The following PCDH9 variants were observed in gnomAD, a reference collection of about 807,000 sequenced individuals.
PCDH9 encodes the protein protocadherin 9, also known as protocadherin-9.
PCDH9 carries 24 observed loss-of-function variants against 70.6 expected under a neutral mutation model. That is an observed-to-expected ratio of 0.34 (90% confidence interval 0.25 to 0.48). PCDH9 has a LOEUF of 0.48. PCDH9 is among the 20% of genes least tolerant of loss of function. PCDH9 has a pLI of 0.99. For synonymous variants in PCDH9, 562 were observed against 558.5 expected (o/e 1.01, Z -0.09); for missense variants, 1,281 against 1,503.6 (o/e 0.85, Z 2.45).
intron 4 of PCDH9, among the ~76,000 whole-genome samples, chr13:66,485,096 G>T (rs1335100743): frequency 2.0e-5 from 3 of 152,184 alleles, no homozygotes; most frequent in Non-Finnish European, 4.4e-5. Flanking sequence ...AAAGGCAGAT[G>T]ATAAATTCTA....
At chr13:66,398,102 TATATA>T (rs1217694344) in intron 4 of PCDH9, among the ~76,000 whole-genome samples, 1 of 152,068 alleles carries the variant, frequency 6.6e-6, no homozygotes, top group Non-Finnish European at 1.5e-5. Context: ...TGTCCAATAT[TATATA>T]ATATATGACA....
At chr13:66,416,853 G>A (rs981279829) in intron 4 of PCDH9, among the ~76,000 whole-genome samples, 1 of 152,116 alleles carries the variant, frequency 6.6e-6, no homozygotes, top group African/African-American at 2.4e-5. Context: ...AAGTTATTAG[G>A]AGACACATCC....
intron 2 of PCDH9, among the ~76,000 whole-genome samples, chr13:67,185,711 T>A (rs2088736307): frequency 6.6e-6 from 1 of 152,208 alleles, no homozygotes; most frequent in African/African-American, 2.4e-5. Context: ...TAAAAATAGT[T>A]AAACGTATGG....
chr13:66,697,218 G>A (rs559862724), intron 3 of PCDH9, among the ~76,000 whole-genome samples: 14 of 151,998 alleles, frequency 9.2e-5, no homozygotes, highest in Non-Finnish European at 1.8e-4. Context: ...AATAATATTA[G>A]GACATTAATA....
At chr13:66,801,053 A>C in intron 3 of PCDH9, among the ~76,000 whole-genome samples, 1 of 137,530 alleles carries the variant, frequency 7.3e-6, no homozygotes, top group Non-Finnish European at 1.5e-5. Flanking sequence ...TATTGTTCTT[A>C]ACTAAAAATG....
At chr13:66,751,213 A>AT (rs750103001) in intron 3 of PCDH9, among the ~76,000 whole-genome samples, 19 of 151,396 alleles carry the variant, frequency 1.3e-4, no homozygotes, top group Admixed American at 7.9e-4. Context: ...AATTGATCAA[A>AT]TTTTTTTTTT....
chr13:66,887,175 A>G lies in PCDH9; in HGVS notation c.3138+16329T>C, dbSNP rs562125202. Among the ~76,000 whole-genome samples the G allele has an allele frequency of 5.9e-5, 9 of 151,916 alleles. No homozygotes were observed. The South Asian group carries it at 8.3e-4, about 14-fold the overall frequency. ...TTGCAATTTTGGCACCGCATCACCA[A>G]GTTCACATCCTGGACCATGCCTTCT... On this transcript the variant is annotated intron_variant, in intron 3 of 4. Coordinates refer to ENST00000377865, the MANE Select transcript of PCDH9 (RefSeq NM_203487.3).
Position 66,901,655 on chromosome 13 carries a change from T to C in PCDH9, c.3138+1849A>G, listed in dbSNP as rs1050100479. Among the ~76,000 whole-genome samples the C allele has an allele frequency of 4.6e-5, 7 of 151,916 alleles. 1 individual carries two copies. The highest frequency in any genetic ancestry group is 4.1e-4 in the South Asian group (2 of 4,830). On this transcript the variant is annotated intron_variant, in intron 3 of 4. Transcript: ENST00000377865. ...ATAACTCTAGATGTCATTTTTTTTC[T>C]TCAAATTCCCTAGACCTTTAGTCAA... is the stretch of plus-strand genomic sequence containing the variant.
rs2077953723 is a variant in PCDH9, at chr13:66,657,851, C to T, written c.3139-26440G>A. On this transcript the variant is annotated intron_variant, in intron 3 of 4. Transcript: ENST00000377865. ...GCTTACTCTTTCAGAGCCTGCACATCAAAGAAATCTACAGTCCAATCGGCC... is the reference window on the plus strand; with the variant it reads ...GCTTACTCTTTCAGAGCCTGCACATTAAAGAAATCTACAGTCCAATCGGCC... 2.6e-5 allele frequency among the ~76,000 whole-genome samples: 4 copies of T among 152,148 alleles called. No individual in the cohort carries two copies. The South Asian group carries it at 8.3e-4, about 32-fold the overall frequency.
In PCDH9 at chr13:66,642,033, A is replaced by G. The variant is rs534791416; in HGVS notation, c.3139-10622T>C. Among the ~76,000 whole-genome samples the G allele has an allele frequency of 1.1e-3, 161 of 152,254 alleles. 3 individuals are homozygous for G. The highest frequency in any genetic ancestry group is 1.5e-4 in the Non-Finnish European group (10 of 67,966). On this transcript the variant is annotated intron_variant, in intron 3 of 4. Transcript: ENST00000377865. ...TTTACTTCCAGTTATGTAAGTGAGG[A>G]ATAAAATAAAGATACTTTTAAGATA...
chr13:66,495,629 T>C (rs778787838), intron 4 of PCDH9, among the ~76,000 whole-genome samples: 2 of 152,082 alleles, frequency 1.3e-5, no homozygotes, highest in Non-Finnish European at 2.9e-5. Flanking sequence ...AAAACCTTAC[T>C]TCTTCAACTA....
intron 2 of PCDH9, among the ~76,000 whole-genome samples, chr13:66,923,082 T>C (rs1160729718): frequency 6.6e-6 from 1 of 151,480 alleles, no homozygotes; most frequent in Non-Finnish European, 1.5e-5. Flanking sequence ...TTCAGATAAC[T>C]AAAAACTATG....
chr13:66,392,925 C>T (rs1164604859), intron 4 of PCDH9, among the ~76,000 whole-genome samples: 2 of 144,980 alleles, frequency 1.4e-5, no homozygotes, highest in Admixed American at 7.0e-5. Context: ...ACTTTAAAAA[C>T]CCACTGGAAG....
intron 2 of PCDH9, among the ~76,000 whole-genome samples, chr13:67,130,072 G>C (rs1303766857): frequency 1.3e-5 from 2 of 151,986 alleles, no homozygotes; most frequent in East Asian, 1.9e-4. Context: ...TGCATTTATG[G>C]GAAGGCAGAG....
At chr13:66,550,436 G>A (rs9540809) in intron 4 of PCDH9, among the ~76,000 whole-genome samples, 81,495 of 151,794 alleles carry the variant, frequency 0.54, 22,285 homozygotes, top group East Asian at 0.67. Context: ...GTTATGGTTG[G>A]TTATGTGGAC....
chr13:66,750,851 A>C (rs969689560), intron 3 of PCDH9, among the ~76,000 whole-genome samples: 104 of 152,248 alleles, frequency 6.8e-4, no homozygotes, highest in Middle Eastern at 3.4e-3. Context: ...TGGTTATATT[A>C]CCAGCAAACT....
chr13:66,485,813 C>G (rs1348771557), intron 4 of PCDH9, among the ~76,000 whole-genome samples: 1 of 151,734 alleles, frequency 6.6e-6, no homozygotes, highest in Non-Finnish European at 1.5e-5. Context: ...GTGATCTCAG[C>G]TCATTGCAAC....
At chr13:66,654,709 T>C (rs1477201166) in intron 3 of PCDH9, among the ~76,000 whole-genome samples, 3 of 148,984 alleles carry the variant, frequency 2.0e-5, no homozygotes, top group South Asian at 4.2e-4. Context: ...TGTTGTCTGT[T>C]TGTTTGTTTG....
intron 2 of PCDH9, among the ~76,000 whole-genome samples, chr13:67,101,003 G>A (rs962562787): frequency 2.6e-5 from 4 of 152,164 alleles, no homozygotes; most frequent in African/African-American, 9.7e-5. Context: ...GTCCGCACCT[G>A]CCTAACCATG....
Sources: gnomAD v4.1 joint callset for allele counts (sites outside exome capture counted in the v4.1 genomes callset) on GRCh38, gnomAD v4.1.1 for gene constraint, MANE v1.5 for transcripts, NCBI Gene and HGNC (gene_info 2026-07-23, HGNC 2026-07-21) for gene names.